The following TYW1 variants were observed in gnomAD, a reference collection of about 807,000 sequenced individuals.
TYW1 encodes the protein tRNA-yW synthesizing protein 1 homolog, also known as S-adenosyl-L-methionine-dependent tRNA 4-demethylwyosine synthase TYW1.
TYW1 carries 46 observed loss-of-function variants against 96.2 expected under a neutral mutation model. That is an observed-to-expected ratio of 0.48 (90% CI 0.38 to 0.61). The LOEUF is 0.61. Among genes scored for constraint, TYW1 ranks in the 20% least tolerant of loss-of-function variants. The pLI is 0.00. For missense variants in TYW1, 684 were observed against 909.6 expected (o/e 0.75, Z 3.19); for synonymous variants, 274 against 323.0 (o/e 0.85, Z 1.63).
chr7:67,180,394 ATATATATATATT>A (rs1219270364), intron 13 of TYW1, among the ~76,000 whole-genome samples: 19 of 111,924 alleles, frequency 1.7e-4, no homozygotes, highest in East Asian at 5.7e-4. Flanking sequence ...GTTTATATAT[ATATATATATATT>A]TATATATATA....
At chr7:67,041,618 G>T (rs1332272429) in intron 7 of TYW1, among the ~76,000 whole-genome samples, 1 of 152,020 alleles carries the variant, frequency 6.6e-6, no homozygotes, top group African/African-American at 2.4e-5. Context: ...CATTTTCTTT[G>T]GGGCTGGCTC....
intron 15 of TYW1, among the ~76,000 whole-genome samples, chr7:67,231,378 T>A: frequency 6.6e-6 from 1 of 152,164 alleles, no homozygotes; most frequent in Non-Finnish European, 1.5e-5. Flanking sequence ...TATCCTGGGA[T>A]CACCAGCTCT....
intron 3 of TYW1, among the ~76,000 whole-genome samples, chr7:67,006,696 T>G (rs1793605766): frequency 6.6e-6 from 1 of 152,030 alleles, no homozygotes. Context: ...CGCCTTGACC[T>G]CCCAAAGAGC....
chr7:67,001,132 A>C (rs13340529), intron 3 of TYW1, among the ~76,000 whole-genome samples: 37,819 of 152,058 alleles, frequency 0.25, 4,980 homozygotes, highest in African/African-American at 0.32. Context: ...TGCAGATGGT[A>C]ACAAATCCAG....
chr7:67,234,184 A>G (rs1212427670), intron 15 of TYW1, among the ~76,000 whole-genome samples: 1 of 133,706 alleles, frequency 7.5e-6, no homozygotes, highest in East Asian at 2.0e-4. Context: ...CTTTCTCTAC[A>G]GAAAATTTAA....
intron 11 of TYW1, among the ~76,000 whole-genome samples, chr7:67,093,619 G>C (rs1796791680): frequency 6.6e-6 from 1 of 152,142 alleles, no homozygotes; most frequent in South Asian, 2.1e-4. Flanking sequence ...AACGTAGAAT[G>C]AGCTTAAGGA....
At chr7:67,112,290 A>G (rs553830240) in intron 12 of TYW1, among the ~76,000 whole-genome samples, 1 of 152,196 alleles carries the variant, frequency 6.6e-6, no homozygotes, top group South Asian at 2.1e-4. Flanking sequence ...ACATGTAATT[A>G]GTTCTACAAT....
intron 11 of TYW1, among the ~76,000 whole-genome samples, chr7:67,093,080 T>C (rs954832423): frequency 7.2e-5 from 11 of 151,760 alleles, no homozygotes; most frequent in Non-Finnish European, 1.5e-4. Context: ...GGTGGGAGGG[T>C]CACCTGAGCC....
At chr7:67,210,252 T>TG (rs1352208697) in intron 15 of TYW1, among the ~76,000 whole-genome samples, 1 of 152,208 alleles carries the variant, frequency 6.6e-6, no homozygotes, top group African/African-American at 2.4e-5. Context: ...ATTTGTCTGA[T>TG]GTTTTTCTCA....
Position 67,014,287 on chromosome 7 carries a change from T to A in TYW1, c.376-80T>A, listed in dbSNP as rs1793931418. On this transcript the variant is annotated intron_variant, in intron 4 of 15. Coordinates refer to ENST00000359626, the MANE Select transcript of TYW1 (RefSeq NM_018264.4). ...TGCCCTTTGTTCTTTGAGATGAGTA[T>A]GCTTTTTTTCAAAGGATTTTCTTCA... is the stretch of plus-strand genomic sequence containing the variant. 3 of 1,507,058 alleles carry A rather than the reference T, an allele frequency of 2.0e-6. No individual in the cohort carries two copies. In the African/African-American group the frequency reaches 4.2e-5, roughly 21 times the overall value. 93.4% of individuals were successfully genotyped at this position (1,507,058 alleles called of 1,614,324 possible).
At chr7:67,200,608 A>G (rs899746568) in intron 15 of TYW1, among the ~76,000 whole-genome samples, 7 of 152,146 alleles carry the variant, frequency 4.6e-5, no homozygotes, top group African/African-American at 1.4e-4. Flanking sequence ...CTGCCATTCA[A>G]GGTGAGATTT....
intron 15 of TYW1, among the ~76,000 whole-genome samples, chr7:67,209,543 C>A (rs1800927228): frequency 6.6e-6 from 1 of 152,010 alleles, no homozygotes; most frequent in Non-Finnish European, 1.5e-5. Context: ...AGCAGTGTTT[C>A]AAAACTTCAT....
intron 7 of TYW1, among the ~76,000 whole-genome samples, chr7:67,049,745 C>T (rs1584501599): frequency 6.6e-6 from 1 of 152,048 alleles, no homozygotes; most frequent in East Asian, 1.9e-4. Flanking sequence ...TGAGGTTTCA[C>T]CATCTTGGCC....
chr7:67,118,244 T>G (rs1797655945), intron 13 of TYW1, among the ~76,000 whole-genome samples: 1 of 152,092 alleles, frequency 6.6e-6, no homozygotes, highest in African/African-American at 2.4e-5. Context: ...GGAGAATCAC[T>G]TGAACCTGGG....
intron 12 of TYW1, among the ~76,000 whole-genome samples, chr7:67,099,730 C>T (rs973244807): frequency 3.9e-5 from 6 of 152,182 alleles, no homozygotes; most frequent in East Asian, 1.9e-4. Context: ...AAGCCAGGCG[C>T]GGTGGCTCAT....
At chr7:67,042,518 G>C (rs1445585116) in intron 7 of TYW1, among the ~76,000 whole-genome samples, 1 of 152,126 alleles carries the variant, frequency 6.6e-6, no homozygotes, top group Admixed American at 6.6e-5. Flanking sequence ...GAGTTGACTG[G>C]GGGTAGGGAT....
intron 13 of TYW1, among the ~76,000 whole-genome samples, chr7:67,161,530 C>T (rs115394211): frequency 0.036 from 5,433 of 152,214 alleles, 313 homozygotes; most frequent in African/African-American, 0.12. Flanking sequence ...TGTGCTCTAA[C>T]GGGCAGCTAG....
intron 7 of TYW1, among the ~76,000 whole-genome samples, chr7:67,047,536 T>G (rs1197911513): frequency 6.6e-6 from 1 of 152,174 alleles, no homozygotes; most frequent in African/African-American, 2.4e-5. Flanking sequence ...TAATGTGTAA[T>G]TAAGAACCCT....
chr7:67,138,069 C>G (rs1426340190), intron 13 of TYW1, among the ~76,000 whole-genome samples: 1 of 152,158 alleles, frequency 6.6e-6, no homozygotes, highest in Non-Finnish European at 1.5e-5. Context: ...GGCCAGCTAC[C>G]TCCTTGTGGC....
Sources: gnomAD v4.1 joint callset for allele counts (sites outside exome capture counted in the v4.1 genomes callset) on GRCh38, gnomAD v4.1.1 for gene constraint, MANE v1.5 for transcripts, NCBI Gene and HGNC (gene_info 2026-07-23, HGNC 2026-07-21) for gene names.